CPSF1: variants seen among roughly 807,000 people sequenced by gnomAD.
The protein encoded by CPSF1 is cleavage and polyadenylation specific factor 1.
In CPSF1, 106 loss-of-function variants were observed where a neutral mutation model predicts 175.8. The ratio of observed to expected loss-of-function variants is 0.60; its 90% CI spans 0.52 to 0.71. The LOEUF (loss-of-function observed/expected upper bound fraction) is 0.71, where lower values mean the gene tolerates loss of function less well. Ranked by LOEUF, CPSF1 falls within the 30% of genes least tolerant of loss-of-function variation. The pLI is 0.00. For synonymous variants in CPSF1, 1,024 were observed against 858.3 expected (o/e 1.19, Z -3.37); for missense variants, 1,734 against 2,022.9 (o/e 0.86, Z 2.74).
Position 144,397,553 on chromosome 8 carries a change from G to T in CPSF1, c.2319C>A (p.Asp773Glu). 2 of 1,557,092 alleles carry T rather than the reference G, an allele frequency of 1.3e-6. No individual in the cohort carries two copies. Among genetic ancestry groups the T allele is most frequent in the Non-Finnish European group, 1.7e-6 (2 of 1,146,010 alleles). ...RRSSQPPADR[D>E]PAPFRAEPTH... Reference sequence around the variant, plus strand: ...TAGGCTCTGCCCGGAAGGGTGCAGGGTCCCGGTCAGCAGGGGGCTGGCTGC... The same window carrying T: ...TAGGCTCTGCCCGGAAGGGTGCAGGTTCCCGGTCAGCAGGGGGCTGGCTGC... The change falls in exon 22 of 38, where the codon GAC (aspartate) becomes GAA (glutamate). Residue 773 changes from aspartate (D) to glutamate (E), a missense_variant. By Grantham distance (45) the Asp-to-Glu change is conservative. Around this residue, in one of 10 missense-constraint regions of CPSF1, gnomAD observed 585 missense variants for 584.7 expected, o/e 1.00. Coordinates refer to ENST00000616140, the MANE Select transcript of CPSF1 (RefSeq NM_013291.3).
chr8:144,405,971 C>A (rs2116903543), intron 2 of CPSF1, among the ~76,000 whole-genome samples: 3 of 152,124 alleles, frequency 2.0e-5, no homozygotes, highest in Non-Finnish European at 4.4e-5. Context: ...GGAGGAGAGC[C>A]AAGGGCTCCC....
intron 2 of CPSF1, among the ~76,000 whole-genome samples, chr8:144,408,765 G>A (rs1368440404): frequency 5.9e-5 from 9 of 152,230 alleles, no homozygotes; most frequent in Admixed American, 5.9e-4. Context: ...CTGAAAAAAC[G>A]GAAGAGCAAA....
rs1356765308 is a variant in CPSF1 at position 144,400,993 on chromosome 8, G to A, written c.470C>T (p.Thr157Met). Residue 157 changes from threonine to methionine, a missense_variant, in exon 6 of 38, where the codon ACG becomes ATG. Physicochemically the swap from Thr to Met is moderately conservative, Grantham distance 81 (BLOSUM62 -1). This residue lies in a region of CPSF1 where 122 missense variants were observed against 177.2 expected (regional missense o/e 0.69). Transcript: ENST00000616140. The stretch of plus-strand genomic sequence containing the variant: ...GCGGAAGGGCAGGACCACCAGCCGC[G>A]TGCCGTAGACAAGCATGGCTGCACA... The part of the protein sequence containing the change: ...GRCAAMLVYG[T>M]RLVVLPFRRE... 3 of 1,610,428 alleles carry A rather than the reference G, an allele frequency of 1.9e-6. No homozygotes were observed. The highest frequency in any genetic ancestry group is 2.5e-6 in the Non-Finnish European group (3 of 1,178,544).
In CPSF1 at chr8:144,400,779, A is replaced by T. The variant is rs2116878112; in HGVS notation, c.578T>A (p.Val193Glu). 1 of 1,613,850 alleles carries T rather than the reference A, an allele frequency of 6.2e-7. No individual in the cohort carries two copies. The highest frequency in any genetic ancestry group is 8.5e-7 in the Non-Finnish European group (1 of 1,179,942). The change falls in exon 7 of 38, where the codon GTG becomes GAG. Residue 193 changes from valine (V) to glutamate (E), a missense_variant. This residue lies in a region of CPSF1 where 122 missense variants were observed against 177.2 expected (regional missense o/e 0.69). Coordinates refer to ENST00000616140, the MANE Select transcript of CPSF1 (RefSeq NM_013291.3). ...GAGCAGCTTCTCGTCTAGGGCCCGCACGTCGATGATGTAGCTGGGCAGGAA... is the reference window on the plus strand; with the variant it reads ...GAGCAGCTTCTCGTCTAGGGCCCGCTCGTCGATGATGTAGCTGGGCAGGAA... ...SSFLPSYIID[V>E]RALDEKLLNI...
At position 144,393,257 on chromosome 8, in the gene CPSF1, T is replaced by A. The variant is rs1045792539; in HGVS notation, c.*61A>T. 6.9e-6 allele frequency: 10 copies of A among 1,441,682 alleles called. No homozygotes were observed. Among genetic ancestry groups the A allele is most frequent in the Non-Finnish European group, 9.2e-6 (10 of 1,084,612 alleles). The allele number at this position is 1,441,682 out of a possible 1,614,324, so 89.3% of individuals were successfully genotyped here. On this transcript the variant is annotated 3_prime_UTR_variant, in exon 38 of 38. Transcript: ENST00000616140. ...CAAGCAAAAAATGTTTTTCCTTGTG[T>A]TTTGTACAAAAAGGGGGTGGGAGGT... is the stretch of plus-strand genomic sequence containing the variant.
rs782036981 is a variant in CPSF1 at position 144,396,323 on chromosome 8, C to T, written c.2979+25G>A. 1.3e-5 allele frequency: 21 copies of T among 1,569,062 alleles called. No homozygotes were observed. In the African/African-American group the frequency reaches 2.6e-4, roughly 19 times the overall value. ...CCAGCTGGGGCAGCATCAGCCAGTG[C>T]TGCTGGGAACCGGCCGGGCCCCACC... On this transcript the variant is annotated intron_variant, in intron 26 of 37. Coordinates refer to ENST00000616140, the MANE Select transcript of CPSF1 (RefSeq NM_013291.3).
Position 144,397,610 on chromosome 8 carries a change from G to C in CPSF1, c.2262C>G (p.Leu754=). Residue 754 remains leucine, a synonymous_variant, in exon 22 of 38, where the codon CTC becomes CTG. Coordinates refer to ENST00000616140, the MANE Select transcript of CPSF1 (RefSeq NM_013291.3). The part of the protein sequence containing the change: ...EEMLYGDSGS[L]FSPSKEEARR... The stretch of plus-strand genomic sequence containing the variant: ...GGGCCTCCTCCTTGCTGGGGCTGAA[G>C]AGGGAGCCCGAATCCCCATACAGCA... 1 of 1,534,756 alleles carries C rather than the reference G, an allele frequency of 6.5e-7. No homozygotes were observed. The highest frequency in any genetic ancestry group is 8.8e-7 in the Non-Finnish European group (1 of 1,136,754).
Position 144,393,647 on chromosome 8 carries a change from G to GGGCGGGGCCGGGGCTCACCGGA in CPSF1, c.4145+19_4145+20insTCCGGTGAGCCCCGGCCCCGCC. 1 of 1,573,766 alleles carries GGGCGGGGCCGGGGCTCACCGGA rather than the reference G, an allele frequency of 6.4e-7. No individual in the cohort carries two copies. Among genetic ancestry groups the GGGCGGGGCCGGGGCTCACCGGA allele is most frequent in the Non-Finnish European group, 8.6e-7 (1 of 1,166,688 alleles). ...GCTGGGGTGGAGGGGGTGCTGCACG[G>GGGCGGGGCCGGGGCTCACCGGA]GGGCGGGGCCGGGGCTCACCGGAAG... is the stretch of plus-strand genomic sequence containing the variant. On this transcript the variant is annotated intron_variant, in intron 36 of 37. Transcript: ENST00000616140.
rs1365012577 is a variant in CPSF1, at chr8:144,397,040, G to A, written c.2593-111C>T. The A allele has an allele frequency of 2.6e-5, 24 of 907,840 alleles. 1 individual carries two copies. Among genetic ancestry groups the A allele is most frequent in the South Asian group, 4.7e-5 (3 of 64,026 alleles). 56.2% of individuals were successfully genotyped at this position (907,840 alleles called of 1,614,324 possible). A position where few individuals can be genotyped will look rare whatever the true frequency, so the allele number is the denominator to read the frequency against. On this transcript the variant is annotated intron_variant, in intron 23 of 37. Transcript: ENST00000616140. Reference sequence around the variant, plus strand: ...AGGGGCGGGGCTGAGATGGGGTGGAGCCATGTATGGGAAGGGGCGGGGCTG... The same window carrying A: ...AGGGGCGGGGCTGAGATGGGGTGGAACCATGTATGGGAAGGGGCGGGGCTG...
At chr8:144,401,778 C>G in intron 2 of CPSF1, 105 bp from the exon 3 acceptor site, 1 of 1,254,872 alleles carries the variant, frequency 8.0e-7, no homozygotes, top group Non-Finnish European at 1.1e-6. Flanking sequence ...CTCCTGGGAG[C>G]TCTGCCCAAA....
intron 2 of CPSF1, among the ~76,000 whole-genome samples, chr8:144,406,796 C>A (rs1821518287): frequency 6.6e-6 from 1 of 152,192 alleles, no homozygotes; most frequent in South Asian, 2.1e-4. Context: ...TCTACGGTGG[C>A]CAGCATCCAA....
intron 2 of CPSF1, among the ~76,000 whole-genome samples, chr8:144,408,594 C>G (rs2116911268): frequency 6.6e-6 from 1 of 152,338 alleles, no homozygotes; most frequent in South Asian, 2.1e-4. Context: ...TGGAAATACA[C>G]AGTCTCCTTC....
At chr8:144,406,429 G>A (rs2116905254) in intron 2 of CPSF1, among the ~76,000 whole-genome samples, 1 of 152,260 alleles carries the variant, frequency 6.6e-6, no homozygotes, top group African/African-American at 2.4e-5. Flanking sequence ...GGGCCTCCAG[G>A]GCCCTGTCCA....
At position 144,398,997 on chromosome 8, in the gene CPSF1, G is replaced by A. The variant is rs2116856972; in HGVS notation, c.1509C>T (p.Cys503=). 6.8e-6 allele frequency: 11 copies of A among 1,611,944 alleles called. No homozygotes were observed. The African/African-American group carries it at 1.5e-4, about 22-fold the overall frequency. The change falls in exon 16 of 38, where the codon TGC becomes TGT. Residue 503 remains cysteine (C), a synonymous_variant. Coordinates refer to ENST00000616140, the MANE Select transcript of CPSF1 (RefSeq NM_013291.3). ...AAGCCCCGTTCTTCCCGTGGCCGGA[G>A]CAAACCACAATCTCCAGGTCCGGCT... is the stretch of plus-strand genomic sequence containing the variant. ...SPEPDLEIVV[C]SGHGKNGALS... is the part of the protein sequence containing the mutation.
chr8:144,397,653 ACTGTGGGGCTGGGGG>A lies in CPSF1; in HGVS notation c.2211-7_2218del. 6.5e-7 allele frequency: 1 copy of A among 1,535,722 alleles called. No individual in the cohort carries two copies. Among genetic ancestry groups the A allele is most frequent in the Non-Finnish European group, 8.8e-7 (1 of 1,138,292 alleles). ...ATACAGCATCTCCTCCTCGTCATCC[ACTGTGGGGCTGGGGG>A]CCAGCAGAAGGTCATGGGCGGCCTG... On this transcript the variant is annotated splice_acceptor_variant and splice_polypyrimidine_tract_variant and coding_sequence_variant and intron_variant, in exon 22 of 38. Transcript: ENST00000616140. LOFTEE classifies it high-confidence loss of function.
At position 144,400,914 on chromosome 8, in the gene CPSF1, T is replaced by G. The variant is rs2116879667; in HGVS notation, c.539+10A>C. ...CCCCAGCACCACAGCCTGCCTCAGCTGGCACTCACCCCTCACCCACGAGCC... is the reference window on the plus strand; with the variant it reads ...CCCCAGCACCACAGCCTGCCTCAGCGGGCACTCACCCCTCACCCACGAGCC... On this transcript the variant is annotated intron_variant, in intron 6 of 37. Transcript: ENST00000616140. 11 of 1,602,926 alleles carry G rather than the reference T, an allele frequency of 6.9e-6. No individual in the cohort carries two copies. The highest frequency in any genetic ancestry group is 1.7e-4 in the Middle Eastern group (1 of 6,042).
chr8:144,398,651 A>G lies in CPSF1; in HGVS notation c.1639-13T>C. 1.2e-6 allele frequency: 2 copies of G among 1,613,232 alleles called. No homozygotes were observed. ...TGGGATTGTCCTCCTGTCAGGGCCA[A>G]AGGGGGGCAGGCTGGAAGCCACAGT... On this transcript the variant is annotated splice_polypyrimidine_tract_variant and intron_variant, in intron 17 of 37. Coordinates refer to ENST00000616140, the MANE Select transcript of CPSF1 (RefSeq NM_013291.3).
intron 9 of CPSF1, 31 bp downstream of exon 9, chr8:144,400,135 G>GGGGCCCCCCCCCCCCCCCCCC: frequency 8.1e-5 from 73 of 895,894 alleles, no homozygotes; most frequent in Non-Finnish European, 1.1e-4. Context: ...CCGTCCCCGG[G>GGGGCCCCCCCCCCCCCCCCCC]CCCCCCCCGC....
chr8:144,401,753 A>C, intron 2 of CPSF1, 80 bp from the exon 3 acceptor site: 1 of 1,449,158 alleles, frequency 6.9e-7, no homozygotes, highest in Admixed American at 2.2e-5. Context: ...AAAGACCACC[A>C]AGCCTGGCCC....
Sources: allele counts gnomAD v4.1 joint callset (sites outside exome capture counted in the v4.1 genomes callset), GRCh38; gene constraint gnomAD v4.1.1; regional missense constraint gnomAD v4.1.1; transcripts MANE v1.5; gene names NCBI Gene and HGNC (gene_info 2026-07-23, HGNC 2026-07-21).